The following PTPRD variants were observed in gnomAD, a reference collection of about 807,000 sequenced individuals.
PTPRD encodes receptor-type tyrosine-protein phosphatase delta.
In PTPRD, 34 loss-of-function variants were observed where a neutral mutation model predicts 214.5. That is an observed-to-expected ratio of 0.16 (90% confidence interval 0.12 to 0.21). The LOEUF is 0.21. Among genes scored for constraint, PTPRD ranks in the 10% least tolerant of loss-of-function variants. The pLI, the probability that PTPRD is intolerant of heterozygous loss-of-function variation, is 1.00. For missense variants in PTPRD, 2,545 were observed against 2,398.7 expected (o/e 1.06, Z -1.27); for synonymous variants, 1,128 against 845.7 (o/e 1.33, Z -5.79).
At chr9:9,606,647 C>T (rs1449799239) in intron 7 of PTPRD, among the ~76,000 whole-genome samples, 1 of 151,748 alleles carries the variant, frequency 6.6e-6, no homozygotes, top group Non-Finnish European at 1.5e-5. Context: ...TGAATTTTAG[C>T]CTGTAGAAAG....
chr9:10,545,565 T>C (rs535355183), intron 2 of PTPRD, among the ~76,000 whole-genome samples: 1 of 152,294 alleles, frequency 6.6e-6, no homozygotes, highest in South Asian at 2.1e-4. Flanking sequence ...GGTAATATTG[T>C]CCTTCCATTC....
intron 10 of PTPRD, among the ~76,000 whole-genome samples, chr9:9,164,719 A>G (rs2130669872): frequency 6.6e-6 from 1 of 152,238 alleles, no homozygotes; most frequent in South Asian, 2.1e-4. Context: ...CTTTTTTAAA[A>G]AATTTCTCCA....
intron 8 of PTPRD, among the ~76,000 whole-genome samples, chr9:9,567,422 T>C (rs1380364262): frequency 1.3e-5 from 2 of 151,950 alleles, no homozygotes; most frequent in African/African-American, 4.8e-5. Flanking sequence ...CAGAAATTAT[T>C]CTCTTGAAGA....
At chr9:8,621,827 C>T (rs115960870) in intron 14 of PTPRD, among the ~76,000 whole-genome samples, 51 of 151,902 alleles carry the variant, frequency 3.4e-4, no homozygotes, top group African/African-American at 1.2e-3. Context: ...AAATAAAAGG[C>T]TCTTTAGGAT....
At chr9:10,123,140 T>G (rs2098789777) in intron 3 of PTPRD, among the ~76,000 whole-genome samples, 1 of 152,222 alleles carries the variant, frequency 6.6e-6, no homozygotes, top group Non-Finnish European at 1.5e-5. Context: ...AGGACATTAT[T>G]GCTGACAGTA....
At chr9:9,931,577 T>C (rs995473908) in intron 5 of PTPRD, among the ~76,000 whole-genome samples, 29 of 152,086 alleles carry the variant, frequency 1.9e-4, no homozygotes, top group Admixed American at 1.0e-3. Context: ...GAGGGTCCTA[T>C]GCCCACGGAG....
intron 5 of PTPRD, among the ~76,000 whole-genome samples, chr9:9,833,979 A>G (rs1422659993): frequency 6.6e-6 from 1 of 152,046 alleles, no homozygotes; most frequent in Non-Finnish European, 1.5e-5. Flanking sequence ...AACGATATAC[A>G]TCCTCCTCAA....
chr9:9,593,945 A>T (rs1209642388), intron 7 of PTPRD, among the ~76,000 whole-genome samples: 1 of 152,014 alleles, frequency 6.6e-6, no homozygotes, highest in Non-Finnish European at 1.5e-5. Context: ...GATATCTGTA[A>T]CCTGAGAAAA....
intron 8 of PTPRD, among the ~76,000 whole-genome samples, chr9:9,511,538 G>C (rs908610479): frequency 6.6e-6 from 1 of 151,634 alleles, no homozygotes; most frequent in East Asian, 1.9e-4. Context: ...TGAAGATCAA[G>C]CAAAAGGAAG....
chr9:8,881,490 G>C (rs1173492186), intron 11 of PTPRD, among the ~76,000 whole-genome samples: 1 of 152,184 alleles, frequency 6.6e-6, no homozygotes, highest in East Asian at 1.9e-4. Flanking sequence ...GTAGTATACA[G>C]TTAGTTCTTT....
intron 2 of PTPRD, among the ~76,000 whole-genome samples, chr9:10,349,092 T>C (rs771495915): frequency 2.0e-5 from 3 of 152,016 alleles, no homozygotes; most frequent in Non-Finnish European, 4.4e-5. Flanking sequence ...TGTTATATTA[T>C]ATAAAAATTC....
At chr9:8,325,995 T>C (rs1019631401) in intron 44 of PTPRD, among the ~76,000 whole-genome samples, 3 of 152,208 alleles carry the variant, frequency 2.0e-5, no homozygotes, top group African/African-American at 7.2e-5. Context: ...TTTCTAAATA[T>C]ACAATGTTGT....
At chr9:8,868,865 AC>A (rs2098245558) in intron 11 of PTPRD, among the ~76,000 whole-genome samples, 1 of 152,152 alleles carries the variant, frequency 6.6e-6, no homozygotes, top group South Asian at 2.1e-4. Flanking sequence ...AGGTATGTGA[AC>A]TATGCACTAT....
intron 11 of PTPRD, among the ~76,000 whole-genome samples, chr9:8,809,777 G>A (rs2096763287): frequency 6.6e-6 from 1 of 152,270 alleles, no homozygotes; most frequent in Non-Finnish European, 1.5e-5. Context: ...GTTTCAGCCT[G>A]ATAATTTGAT....
At position 9,808,326 on chromosome 9, in the gene PTPRD, C is replaced by G. The variant is rs73396889; in HGVS notation, c.-367-41475G>C. On this transcript the variant is annotated intron_variant, in intron 5 of 45. Transcript: ENST00000381196. ...TTTAATCTCTTGTTCTTCTTGCCCA[C>G]CTCCACCTGAAGCCCTGAAAGGAAC... Among the ~76,000 whole-genome samples the G allele has an allele frequency of 1.4e-3, 208 of 152,284 alleles. 1 individual carries two copies. The highest frequency in any genetic ancestry group is 4.9e-3 in the African/African-American group (202 of 41,566).
intron 7 of PTPRD, among the ~76,000 whole-genome samples, chr9:9,584,213 A>T (rs1455989034): frequency 6.6e-6 from 1 of 151,922 alleles, no homozygotes; most frequent in Non-Finnish European, 1.5e-5. Context: ...GTTTATATAT[A>T]TGAAGTGCCC....
intron 10 of PTPRD, among the ~76,000 whole-genome samples, chr9:9,109,933 G>A (rs2099803737): frequency 6.6e-6 from 1 of 151,912 alleles, no homozygotes; most frequent in Admixed American, 6.6e-5. Context: ...TTTCTATAAG[G>A]GTCACAGGGA....
chr9:10,265,519 G>A (rs572723593), intron 3 of PTPRD, among the ~76,000 whole-genome samples: 1 of 152,122 alleles, frequency 6.6e-6, no homozygotes, highest in African/African-American at 2.4e-5. Context: ...TTAAGCCAGG[G>A]ATGCAAAAAC....
At chr9:10,016,591 G>T (rs2096720841) in intron 4 of PTPRD, among the ~76,000 whole-genome samples, 1 of 151,922 alleles carries the variant, frequency 6.6e-6, no homozygotes, top group Non-Finnish European at 1.5e-5. Flanking sequence ...GTGGAGAAAT[G>T]TGGAGATTGT....
Sources: allele counts gnomAD v4.1 joint callset (sites outside exome capture counted in the v4.1 genomes callset), GRCh38; gene constraint gnomAD v4.1.1; transcripts MANE v1.5; gene names NCBI Gene and HGNC (gene_info 2026-07-23, HGNC 2026-07-21).